The following NTRK3 variants were observed in gnomAD, a reference collection of about 807,000 sequenced individuals.
NTRK3 encodes the protein neurotrophic receptor tyrosine kinase 3, also known as NT-3 growth factor receptor.
Under a neutral mutation model 91.7 loss-of-function variants are expected in NTRK3, and 24 were observed. The ratio of observed to expected loss-of-function variants is 0.26; its 90% CI spans 0.19 to 0.37. NTRK3 has a LOEUF of 0.37. NTRK3 is among the 10% of genes least tolerant of loss of function. The pLI, the probability that NTRK3 is intolerant of heterozygous loss-of-function variation, is 1.00. For missense variants in NTRK3, 880 were observed against 1,068.9 expected (o/e 0.82, Z 2.46); for synonymous variants, 483 against 404.0 (o/e 1.20, Z -2.34).
At chr15:87,980,213 A>T (rs1278482705) in intron 14 of NTRK3, among the ~76,000 whole-genome samples, 1 of 152,220 alleles carries the variant, frequency 6.6e-6, no homozygotes, top group Non-Finnish European at 1.5e-5. Context: ...CTGGCCATAC[A>T]GCCATGGACT....
intron 6 of NTRK3, among the ~76,000 whole-genome samples, 154 bp downstream of exon 6, chr15:88,147,181 C>T (rs887842157): frequency 6.6e-6 from 1 of 152,160 alleles, no homozygotes; most frequent in Non-Finnish European, 1.5e-5. Context: ...TAATTGCTCT[C>T]ACTGAACATG....
intron 17 of NTRK3, among the ~76,000 whole-genome samples, chr15:87,894,287 CAT>C (rs1166313451): frequency 6.6e-6 from 1 of 152,178 alleles, no homozygotes; most frequent in Non-Finnish European, 1.5e-5. Flanking sequence ...CAGCAGCCAC[CAT>C]AACAGTCTTT....
At chr15:88,124,528 C>T (rs927521913) in intron 13 of NTRK3, among the ~76,000 whole-genome samples, 1 of 152,194 alleles carries the variant, frequency 6.6e-6, no homozygotes, top group Non-Finnish European at 1.5e-5. Context: ...CCATTCTTCC[C>T]TTTGGTCAAG....
intron 3 of NTRK3, among the ~76,000 whole-genome samples, chr15:88,201,030 C>G (rs1397070042): frequency 6.6e-6 from 1 of 152,214 alleles, no homozygotes; most frequent in Non-Finnish European, 1.5e-5. Flanking sequence ...GCTAATGGCT[C>G]ATGGACCAAT....
chr15:88,129,073 C>T (rs764751200), intron 10 of NTRK3, among the ~76,000 whole-genome samples: 3 of 152,112 alleles, frequency 2.0e-5, no homozygotes, highest in Admixed American at 1.3e-4. Context: ...TCTTAAGGAC[C>T]CAAAGTGCTG....
At chr15:87,968,117 T>C (rs1053709109) in intron 14 of NTRK3, among the ~76,000 whole-genome samples, 3 of 152,206 alleles carry the variant, frequency 2.0e-5, no homozygotes, top group African/African-American at 7.2e-5. Context: ...GCAGGTATTA[T>C]TCATGAAGTT....
intron 14 of NTRK3, 51 bp from the exon 15 acceptor site, chr15:87,940,804 A>G (rs770640148): frequency 4.3e-6 from 7 of 1,613,280 alleles, no homozygotes; most frequent in South Asian, 1.1e-5. Flanking sequence ...TCGTTTGGTG[A>G]CACAGGGAGA....
At chr15:87,896,354 C>A (rs1352469705) in intron 17 of NTRK3, among the ~76,000 whole-genome samples, 1 of 151,764 alleles carries the variant, frequency 6.6e-6, no homozygotes, top group Non-Finnish European at 1.5e-5. Flanking sequence ...ACCTGTAGTC[C>A]CAACTACTCA....
chr15:87,952,899 T>G (rs1042670738), intron 14 of NTRK3, among the ~76,000 whole-genome samples: 2 of 151,674 alleles, frequency 1.3e-5, no homozygotes, highest in African/African-American at 4.9e-5. Flanking sequence ...TCACCCTGTA[T>G]CTGATGGGGA....
At chr15:88,256,646 GGAGCCC>G (rs2054083006) in exon 1 of NTRK3, 1 of 410,918 alleles carries the variant, frequency 2.4e-6, no homozygotes, top group Non-Finnish European at 4.2e-6. Context: ...ACACACACCC[GGAGCCC>G]GAGGAAAGGA....
intron 16 of NTRK3, among the ~76,000 whole-genome samples, chr15:87,931,389 T>C (rs149196946): frequency 5.1e-4 from 77 of 152,320 alleles, no homozygotes; most frequent in South Asian, 1.0e-3. Context: ...AAAATAGTAA[T>C]AGTAATAACT....
chr15:87,874,720 A>G (rs2064903848), exon 19 of NTRK3: 1 of 232,434 alleles, frequency 4.3e-6, no homozygotes, highest in African/African-American at 2.2e-5. Flanking sequence ...CTCCCTGAAC[A>G]CCTGTTCTTA....
At chr15:87,863,643 C>T (rs1215879425) in exon 19 of NTRK3, 1 of 224,146 alleles carries the variant, frequency 4.5e-6, no homozygotes, top group Non-Finnish European at 8.9e-6. Flanking sequence ...CCCAAAATTC[C>T]CTCATGTTAT....
intron 17 of NTRK3, among the ~76,000 whole-genome samples, chr15:87,881,632 G>T (rs1415631264): frequency 6.6e-6 from 1 of 151,954 alleles, no homozygotes; most frequent in Non-Finnish European, 1.5e-5. Context: ...TGTTAGTCAG[G>T]ATGGTCTCGA....
intron 17 of NTRK3, among the ~76,000 whole-genome samples, chr15:87,906,924 T>G (rs2066801946): frequency 6.6e-6 from 1 of 152,216 alleles, no homozygotes; most frequent in African/African-American, 2.4e-5. Flanking sequence ...TTTGTCTGTT[T>G]TACTCACAGT....
At chr15:88,254,231 C>G (rs958590170) in intron 3 of NTRK3, among the ~76,000 whole-genome samples, 2 of 152,140 alleles carry the variant, frequency 1.3e-5, no homozygotes, top group African/African-American at 4.8e-5. Flanking sequence ...ACATACAGCC[C>G]CAGCAATGCA....
intron 17 of NTRK3, chr15:87,926,762 T>C (rs928950192): frequency 5.3e-5 from 8 of 152,242 alleles, no homozygotes; most frequent in African/African-American, 1.9e-4. Context: ...AGTTAGCACA[T>C]TCTGGTCAGA....
intron 3 of NTRK3, among the ~76,000 whole-genome samples, chr15:88,231,878 T>C (rs2051216462): frequency 6.6e-6 from 1 of 152,224 alleles, no homozygotes; most frequent in Non-Finnish European, 1.5e-5. Context: ...TTATTCTATC[T>C]CCTACTTTTC....
At chr15:88,019,060 G>C (rs180913674) in intron 14 of NTRK3, among the ~76,000 whole-genome samples, 17 of 152,194 alleles carry the variant, frequency 1.1e-4, no homozygotes, top group African/African-American at 4.1e-4. Flanking sequence ...ACCACAAGCA[G>C]AAATGTTTCA....
Sources: allele counts gnomAD v4.1 joint callset (sites outside exome capture counted in the v4.1 genomes callset), GRCh38; gene constraint gnomAD v4.1.1; transcripts MANE v1.5; gene names NCBI Gene and HGNC (gene_info 2026-07-23, HGNC 2026-07-21).